The following SRRM1 variants were observed in gnomAD, a reference collection of about 807,000 sequenced individuals.
SRRM1 encodes the protein serine and arginine repetitive matrix 1.
In SRRM1, 19 loss-of-function variants were observed where a neutral mutation model predicts 110.2. The ratio of observed to expected loss-of-function variants is 0.17; its 90% CI spans 0.12 to 0.25. The LOEUF (loss-of-function observed/expected upper bound fraction) is 0.25, where lower values mean the gene tolerates loss of function less well. Among genes scored for constraint, SRRM1 ranks in the 10% least tolerant of loss-of-function variants. The pLI, the probability that SRRM1 is intolerant of heterozygous loss-of-function variation, is 1.00. For synonymous variants in SRRM1, 443 were observed against 414.9 expected (o/e 1.07, Z -0.82); for missense variants, 918 against 1,145.8 (o/e 0.80, Z 2.87).
At position 24,670,374 on chromosome 1, in the gene SRRM1, G is replaced by A. The variant is rs1015054452; in HGVS notation, c.2400+59G>A. On this transcript the variant is annotated intron_variant, in intron 15 of 16. Coordinates refer to ENST00000323848, the MANE Select transcript of SRRM1 (RefSeq NM_005839.4). The stretch of plus-strand genomic sequence containing the variant: ...TAAATATGTATATGGTCACTTTGAA[G>A]CAGAGAAAATGTCATTGGGGCATTA... 7 of 1,465,344 alleles carry A rather than the reference G, an allele frequency of 4.8e-6. No homozygotes were observed. In the African/African-American group the frequency reaches 1.0e-4, roughly 21 times the overall value. 90.8% of individuals were successfully genotyped at this position (1,465,344 alleles called of 1,614,324 possible).
chr1:24,659,125 C>T (rs1483106883), intron 9 of SRRM1, among the ~76,000 whole-genome samples: 5 of 150,968 alleles, frequency 3.3e-5, no homozygotes, highest in African/African-American at 2.4e-5. Context: ...ACCCGGGAGG[C>T]GGAGGTTGCA....
At chr1:24,652,802 GA>G in intron 7 of SRRM1, 110 bp from the exon 8 acceptor site, 1 of 1,421,244 alleles carries the variant, frequency 7.0e-7, no homozygotes, top group Non-Finnish European at 9.4e-7. Context: ...TACATAAATG[GA>G]AAATTTTGAT....
At chr1:24,655,176 C>T (rs1486335480) in intron 9 of SRRM1, 47 bp downstream of exon 9, 6 of 1,598,284 alleles carry the variant, frequency 3.8e-6, no homozygotes, top group Non-Finnish European at 5.1e-6. Context: ...TCTTTGGCTA[C>T]AAAGCGTAGT....
chr1:24,652,332 T>C (rs1249296171), intron 6 of SRRM1, 102 bp from the exon 7 acceptor site: 12 of 835,546 alleles, frequency 1.4e-5, no homozygotes, highest in Non-Finnish European at 1.9e-5. Flanking sequence ...AGTCTGTGAA[T>C]TTTGAAAAGT....
intron 12 of SRRM1, among the ~76,000 whole-genome samples, chr1:24,665,606 G>A (rs941724935): frequency 2.0e-5 from 3 of 152,096 alleles, no homozygotes; most frequent in Non-Finnish European, 4.4e-5. Flanking sequence ...CCAGCTACTT[G>A]GGAGGCTGAG....
At chr1:24,665,959 C>T (rs1283463986) in intron 12 of SRRM1, among the ~76,000 whole-genome samples, 4 of 152,178 alleles carry the variant, frequency 2.6e-5, no homozygotes, top group Admixed American at 6.5e-5. Context: ...GGAGCAGAGA[C>T]GTCCAGACTT....
chr1:24,650,355 G>T (rs1557663043), intron 5 of SRRM1, among the ~76,000 whole-genome samples: 1 of 152,102 alleles, frequency 6.6e-6, no homozygotes, highest in Non-Finnish European at 1.5e-5. Context: ...CTTCCATATT[G>T]CTTTAGTTCA....
At chr1:24,654,216 C>A in intron 8 of SRRM1, 3 of 1,030,636 alleles carry the variant, frequency 2.9e-6, no homozygotes, top group Non-Finnish European at 4.0e-6. Flanking sequence ...GCTTACTCAG[C>A]CATTTAGCAG....
Position 24,666,823 on chromosome 1 carries a change from G to A in SRRM1, c.1637G>A (p.Arg546Gln), listed in dbSNP as rs770921887. The change falls in exon 13 of 17, where the codon CGG (arginine) becomes CAG (glutamine). Residue 546 changes from arginine (R) to glutamine (Q), a missense_variant. Transcript: ENST00000323848. ...RQKETSPRGR[R>Q]RRSPSPPPTR... ...AATTCTTCTTGGTTTAGTGGTAGACGGAGGAGAAGTCCATCCCCACCACCC... is the reference window on the plus strand; with the variant it reads ...AATTCTTCTTGGTTTAGTGGTAGACAGAGGAGAAGTCCATCCCCACCACCC... 1 of 1,612,718 alleles carries A rather than the reference G, an allele frequency of 6.2e-7. No individual in the cohort carries two copies. Among genetic ancestry groups the A allele is most frequent in the Non-Finnish European group, 8.5e-7 (1 of 1,179,292 alleles).
Position 24,654,879 on chromosome 1 carries a change from G to A in SRRM1, c.1065G>A (p.Leu355=). 2 of 1,614,172 alleles carry A rather than the reference G, an allele frequency of 1.2e-6. No individual in the cohort carries two copies. Among genetic ancestry groups the A allele is most frequent in the Non-Finnish European group, 1.7e-6 (2 of 1,180,018 alleles). Residue 355 remains leucine, a synonymous_variant, in exon 9 of 17, where the codon TTG becomes TTA. Transcript: ENST00000323848. ...GAAGAAGACGTTCGTCAGCATCCTT[G>A]TCTGGGAGTAGCTCATCATCCTCTT... is the stretch of plus-strand genomic sequence containing the variant. The part of the protein sequence containing the change: ...VRRRRRSSAS[L]SGSSSSSSSS...
chr1:24,653,746 C>G (rs1662396194), intron 8 of SRRM1, among the ~76,000 whole-genome samples: 1 of 152,138 alleles, frequency 6.6e-6, no homozygotes, highest in African/African-American at 2.4e-5. Context: ...TCCTAGTGCA[C>G]TGGTAGCAGT....
intron 8 of SRRM1, 100 bp from the exon 9 acceptor site, chr1:24,654,755 G>A: frequency 1.4e-6 from 2 of 1,422,584 alleles, no homozygotes; most frequent in Non-Finnish European, 1.9e-6. Flanking sequence ...AAACTCAAAA[G>A]TCGGATTAAA....
chr1:24,671,337 T>G, intron 15 of SRRM1, 49 bp from the exon 16 acceptor site: 1 of 1,488,854 alleles, frequency 6.7e-7, no homozygotes, highest in Non-Finnish European at 9.2e-7. Context: ...GGACAGAATA[T>G]TAATCAGATT....
rs1449782291 is a variant in SRRM1 at position 24,671,577 on chromosome 1, A to G, written c.2592A>G (p.Ala864=). ...CATTAGCACAGGAAGAGCCAGTGGC[A>G]GCGCCAGAGCCGAAGAAGGTATTTA... The part of the protein sequence containing the change: ...TTTLAQEEPV[A]APEPKKETES... Residue 864 remains alanine, a synonymous_variant, in exon 16 of 17, where the codon GCA becomes GCG. Transcript: ENST00000323848. The G allele has an allele frequency of 3.1e-6, 5 of 1,593,220 alleles. No homozygotes were observed. In the Admixed American group the frequency reaches 5.6e-5, roughly 18 times the overall value.
intron 1 of SRRM1, 149 bp from the exon 2 acceptor site, chr1:24,645,835 T>C (rs1252596880): frequency 1.8e-6 from 1 of 562,246 alleles, no homozygotes; most frequent in South Asian, 2.4e-5. Context: ...TCAGCTACAT[T>C]GGGGAAGGAG....
At chr1:24,664,890 C>CT (rs1669134239) in intron 12 of SRRM1, among the ~76,000 whole-genome samples, 1 of 151,938 alleles carries the variant, frequency 6.6e-6, no homozygotes, top group South Asian at 2.1e-4. Context: ...TCCCCACCCC[C>CT]CCACCAAATT....
chr1:24,661,466 C>G lies in SRRM1; in HGVS notation c.1483+70C>G, dbSNP rs988348296. 5 of 1,102,502 alleles carry G rather than the reference C, an allele frequency of 4.5e-6. No homozygotes were observed. In the African/African-American group the frequency reaches 4.7e-5, roughly 10 times the overall value. 68.3% of individuals were successfully genotyped at this position (1,102,502 alleles called of 1,614,324 possible). On this transcript the variant is annotated intron_variant, in intron 11 of 16. Coordinates refer to ENST00000323848, the MANE Select transcript of SRRM1 (RefSeq NM_005839.4). ...TAAAAAATACTTGGTATATAAACAT[C>G]TGTGTGTGCAGCATGAGTACTTACT...
In SRRM1 at chr1:24,660,768, G is replaced by A. The variant is rs779335323; in HGVS notation, c.1365G>A (p.Pro455=). 31 of 1,593,706 alleles carry A rather than the reference G, an allele frequency of 1.9e-5. No individual in the cohort carries two copies. The highest frequency in any genetic ancestry group is 1.4e-4 in the Admixed American group (8 of 56,180). The change falls in exon 10 of 17, where the codon CCG becomes CCA. Residue 455 remains proline (P), a synonymous_variant. Coordinates refer to ENST00000323848, the MANE Select transcript of SRRM1 (RefSeq NM_005839.4). ...TEKRESPSPA[P]KPRKVELSES... Reference sequence around the variant, plus strand: ...AAAGAGAATCCCCTTCACCAGCACCGAAGCCTAGAAAAGTAGAGTTATCTG... The same window carrying A: ...AAAGAGAATCCCCTTCACCAGCACCAAAGCCTAGAAAAGTAGAGTTATCTG...
intron 8 of SRRM1, among the ~76,000 whole-genome samples, chr1:24,653,629 G>T (rs1422828678): frequency 6.6e-6 from 1 of 152,056 alleles, no homozygotes; most frequent in African/African-American, 2.4e-5. Flanking sequence ...AACTGTACCA[G>T]TGTTCTTTTT....
Sources: allele counts gnomAD v4.1 joint callset (sites outside exome capture counted in the v4.1 genomes callset), GRCh38; gene constraint gnomAD v4.1.1; transcripts MANE v1.5; gene names NCBI Gene and HGNC (gene_info 2026-07-23, HGNC 2026-07-21).